Variants in ZNF714 observed in about 807,000 individuals in gnomAD.
ZNF714 encodes the protein zinc finger protein 714.
Under a neutral mutation model 46.2 loss-of-function variants are expected in ZNF714, and 32 were observed. That is an observed-to-expected ratio of 0.69 (90% CI 0.52 to 0.93). ZNF714 has a LOEUF of 0.93. Among genes scored for constraint, ZNF714 ranks in the 40% least tolerant of loss-of-function variants. The probability of loss-of-function intolerance (pLI) is 0.00; values close to 1 mark genes in which losing one functional copy is unlikely to be tolerated. For missense variants in ZNF714, 635 were observed against 646.3 expected (o/e 0.98, Z 0.19); for synonymous variants, 199 against 213.1 (o/e 0.93, Z 0.58).
rs1046628612 is a variant in ZNF714 at position 21,121,781 on chromosome 19, G to A, written c.*3449G>A. On this transcript the variant is annotated 3_prime_UTR_variant, in exon 5 of 5. Transcript: ENST00000456283. ...ATTACTGTACAATCCATGACTTACA[G>A]TTCTGAACCTTTTCATGCAAATTCT... 3.3e-5 allele frequency: 5 copies of A among 152,200 alleles called. No homozygotes were observed. The highest frequency in any genetic ancestry group is 7.4e-5 in the Non-Finnish European group (5 of 68,026). 9.4% of individuals were successfully genotyped at this position (152,200 alleles called of 1,614,324 possible). A position where few individuals can be genotyped will look rare whatever the true frequency, so the allele number is the denominator to read the frequency against.
rs34326769 is a variant in ZNF714 at position 21,123,151 on chromosome 19, C to CAAAAAAAAAAAAAAAAAAAAAAAAAAAA, written c.*4838_*4839insAAAAAAAAAAAAAAAAAAAAAAAAAAAA. 1.9e-5 allele frequency: 2 copies of CAAAAAAAAAAAAAAAAAAAAAAAAAAAA among 106,010 alleles called. 1 individual carries two copies. The highest frequency in any genetic ancestry group is 3.6e-5 in the Non-Finnish European group (2 of 55,122). The allele number at this position is 106,010 out of a possible 1,614,324, so 6.6% of individuals were successfully genotyped here. A position where few individuals can be genotyped will look rare whatever the true frequency, so the allele number is the denominator to read the frequency against. On this transcript the variant is annotated 3_prime_UTR_variant, in exon 5 of 5. Coordinates refer to ENST00000456283, the MANE Select transcript of ZNF714 (RefSeq NM_182515.4). The stretch of plus-strand genomic sequence containing the variant: ...CCTGGACAAGAGCAAAACTCTGTCT[C>CAAAAAAAAAAAAAAAAAAAAAAAAAAAA]AAAAAAAAAAAAAAAAAAAGATTAA...
In ZNF714 at chr19:21,101,266, A is replaced by G. The variant is rs180946291; in HGVS notation, c.142+2356A>G. On this transcript the variant is annotated intron_variant, in intron 4 of 4. Coordinates refer to ENST00000456283, the MANE Select transcript of ZNF714 (RefSeq NM_182515.4). ...TAAGCTTTTGTTATCTGGTTTCAGG[A>G]GGTAAAGATCTTTTTCTGTTGTGTC... Among the ~76,000 whole-genome samples the G allele has an allele frequency of 4.7e-4, 71 of 152,202 alleles. 1 individual carries two copies. The East Asian group carries it at 6.2e-3, about 13-fold the overall frequency.
At position 21,093,184 on chromosome 19, in the gene ZNF714, G is replaced by A. The variant is rs187615155; in HGVS notation, c.-84-5001G>A. Among the ~76,000 whole-genome samples, 250 of 148,134 alleles carry A rather than the reference G, an allele frequency of 1.7e-3. 2 individuals carry two copies. Among genetic ancestry groups the A allele is most frequent in the African/African-American group, 5.9e-3 (237 of 40,194 alleles). ...CTCCCAAAGTGCTGGGATTACAGGCGTGAGCCACCATACCTGGCCTTGCAA... is the reference window on the plus strand; with the variant it reads ...CTCCCAAAGTGCTGGGATTACAGGCATGAGCCACCATACCTGGCCTTGCAA... On this transcript the variant is annotated intron_variant, in intron 2 of 4. Coordinates refer to ENST00000456283, the MANE Select transcript of ZNF714 (RefSeq NM_182515.4).
At chr19:21,104,321 T>A (rs1969260698) in intron 4 of ZNF714, among the ~76,000 whole-genome samples, 1 of 152,230 alleles carries the variant, frequency 6.6e-6, no homozygotes, top group Non-Finnish European at 1.5e-5. Flanking sequence ...TTGGCTTTTG[T>A]GAATACTGGT....
Position 21,110,802 on chromosome 19 carries a change from T to C in ZNF714, c.143-6005T>C, listed in dbSNP as rs556750598. Among the ~76,000 whole-genome samples the C allele has an allele frequency of 2.0e-5, 3 of 152,324 alleles. No homozygotes were observed. The South Asian group carries it at 6.2e-4, about 32-fold the overall frequency. ...GGGGGTCCAGTTTCAGTTTTCTGCCTATGGCTAGCTAGTTCTCCCAGCACC... is the reference window on the plus strand; with the variant it reads ...GGGGGTCCAGTTTCAGTTTTCTGCCCATGGCTAGCTAGTTCTCCCAGCACC... On this transcript the variant is annotated intron_variant, in intron 4 of 4. Coordinates refer to ENST00000456283, the MANE Select transcript of ZNF714 (RefSeq NM_182515.4).
At position 21,124,414 on chromosome 19, in the gene ZNF714, A is replaced by G. The variant is rs1969760240; in HGVS notation, c.*6082A>G. 6.6e-6 allele frequency among the ~76,000 whole-genome samples: 1 copy of G among 152,190 alleles called. No homozygotes were observed. The highest frequency in any genetic ancestry group is 1.5e-5 in the Non-Finnish European group (1 of 68,038). Reference sequence around the variant, plus strand: ...AAAATTAAATGACAATAGTCCCCAAACTATGTATTTTCATACTATTTAGCC... The same window carrying G: ...AAAATTAAATGACAATAGTCCCCAAGCTATGTATTTTCATACTATTTAGCC... On this transcript the variant is annotated 3_prime_UTR_variant, in exon 5 of 5. Transcript: ENST00000456283.
Position 21,106,344 on chromosome 19 carries a change from C to T in ZNF714, c.142+7434C>T, listed in dbSNP as rs552818799. ...CAGCACTTTGGGAGGCCGAGGCGGG[C>T]GGATCACGAGGTCGGGAGTTCGAGA... On this transcript the variant is annotated intron_variant, in intron 4 of 4. Coordinates refer to ENST00000456283, the MANE Select transcript of ZNF714 (RefSeq NM_182515.4). Among the ~76,000 whole-genome samples, 58 of 151,782 alleles carry T rather than the reference C, an allele frequency of 3.8e-4. 1 individual carries two copies. The highest frequency in any genetic ancestry group is 2.1e-4 in the Non-Finnish European group (14 of 67,876).
intron 2 of ZNF714, among the ~76,000 whole-genome samples, chr19:21,096,677 G>T (rs78119361): frequency 1.3e-5 from 2 of 152,066 alleles, no homozygotes; most frequent in East Asian, 3.9e-4. Context: ...CATATTAAAA[G>T]TGTTCCTTTT....
intron 4 of ZNF714, among the ~76,000 whole-genome samples, chr19:21,109,230 T>C (rs909175845): frequency 1.3e-5 from 2 of 152,206 alleles, no homozygotes; most frequent in Non-Finnish European, 2.9e-5. Context: ...TAAATTTATT[T>C]ATTTTTGAGA....
In ZNF714 at chr19:21,122,948, A is replaced by G. The variant is rs1969730013; in HGVS notation, c.*4616A>G. 1 of 152,198 alleles carries G rather than the reference A, an allele frequency of 6.6e-6. No individual in the cohort carries two copies. The highest frequency in any genetic ancestry group is 1.5e-5 in the Non-Finnish European group (1 of 68,070). 9.4% of individuals were successfully genotyped at this position (152,198 alleles called of 1,614,324 possible). ...GGCAAGTGGATCACTTGAGCTCAGG[A>G]GTTCGAGACCAGCCTGACCAACATG... is the stretch of plus-strand genomic sequence containing the variant. On this transcript the variant is annotated 3_prime_UTR_variant, in exon 5 of 5. Transcript: ENST00000456283.
chr19:21,104,474 A>C (rs913970228), intron 4 of ZNF714, among the ~76,000 whole-genome samples: 2 of 152,148 alleles, frequency 1.3e-5, no homozygotes, highest in Non-Finnish European at 2.9e-5. Flanking sequence ...TAATGGTTGC[A>C]TCTTGTTTTC....
Position 21,116,861 on chromosome 19 carries a change from C to A in ZNF714, c.197C>A (p.Ser66Tyr), listed in dbSNP as rs761745687. Residue 66 changes from serine (S) to tyrosine (Y), a missense_variant, in exon 5 of 5, where the codon TCT (serine) becomes TAT (tyrosine). Ser to Tyr is a moderately radical substitution (Grantham distance 144). Coordinates refer to ENST00000456283, the MANE Select transcript of ZNF714 (RefSeq NM_182515.4). ...DLWPEQDIKD[S>Y]FQQVILRRHG... The stretch of plus-strand genomic sequence containing the variant: ...TGGCCAGAGCAAGACATAAAAGATT[C>A]TTTTCAACAAGTGATACTGAGAAGA... 8 of 1,612,518 alleles carry A rather than the reference C, an allele frequency of 5.0e-6. No homozygotes were observed. The South Asian group carries it at 7.7e-5, about 16-fold the overall frequency.
intron 4 of ZNF714, among the ~76,000 whole-genome samples, chr19:21,115,193 C>A (rs1458865993): frequency 1.3e-5 from 2 of 151,452 alleles, no homozygotes; most frequent in African/African-American, 4.8e-5. Flanking sequence ...ATTGATGTTG[C>A]TAATCATATA....
intron 4 of ZNF714, chr19:21,109,767 C>T (rs535977024): frequency 1.5e-5 from 2 of 130,566 alleles, no homozygotes; most frequent in Admixed American, 8.6e-5. Context: ...TGCAACAGGC[C>T]CCAGTGTGTG....
chr19:21,087,629 A>C (rs975084233), intron 2 of ZNF714, among the ~76,000 whole-genome samples: 1 of 152,202 alleles, frequency 6.6e-6, no homozygotes, highest in Non-Finnish European at 1.5e-5. Flanking sequence ...CAGTGCTTTA[A>C]GAGAAACCTG....
At position 21,092,477 on chromosome 19, in the gene ZNF714, A is replaced by G. The variant is rs146371227; in HGVS notation, c.-84-5708A>G. Among the ~76,000 whole-genome samples, 466 of 152,314 alleles carry G rather than the reference A, an allele frequency of 3.1e-3. 3 individuals are homozygous for G. The highest frequency in any genetic ancestry group is 0.011 in the African/African-American group (437 of 41,566). On this transcript the variant is annotated intron_variant, in intron 2 of 4. Coordinates refer to ENST00000456283, the MANE Select transcript of ZNF714 (RefSeq NM_182515.4). ...CCTGTTCCTAATCTCATTTAACTGCATGGGCACAGAAATAAATCAGAGTCC... is the reference window on the plus strand; with the variant it reads ...CCTGTTCCTAATCTCATTTAACTGCGTGGGCACAGAAATAAATCAGAGTCC...
rs1969710042 is a variant in ZNF714 at position 21,121,961 on chromosome 19, T to G, written c.*3629T>G. On this transcript the variant is annotated 3_prime_UTR_variant, in exon 5 of 5. Coordinates refer to ENST00000456283, the MANE Select transcript of ZNF714 (RefSeq NM_182515.4). The stretch of plus-strand genomic sequence containing the variant: ...TAGTGCACACAAAATAATTTTTAGA[T>G]GTAATTCCAAAAGTAGTGTATTAAG... 1 of 152,214 alleles carries G rather than the reference T, an allele frequency of 6.6e-6. No individual in the cohort carries two copies. Among genetic ancestry groups the G allele is most frequent in the African/African-American group, 2.4e-5 (1 of 41,456 alleles). 9.4% of individuals were successfully genotyped at this position (152,214 alleles called of 1,614,324 possible). A position where few individuals can be genotyped will look rare whatever the true frequency, so the allele number is the denominator to read the frequency against.
At chr19:21,092,567 C>T (rs1318486388) in intron 2 of ZNF714, among the ~76,000 whole-genome samples, 3 of 152,186 alleles carry the variant, frequency 2.0e-5, no homozygotes, top group South Asian at 2.1e-4. Context: ...TTCTTCCCCA[C>T]GCATGGATTT....
rs1969732920 is a variant in ZNF714, at chr19:21,123,072, T to G, written c.*4740T>G. The G allele has an allele frequency of 6.9e-6, 1 of 145,790 alleles. No individual in the cohort carries two copies. The highest frequency in any genetic ancestry group is 2.5e-5 in the African/African-American group (1 of 39,766). The allele number at this position is 145,790 out of a possible 1,614,324, so 9.0% of individuals were successfully genotyped here. On this transcript the variant is annotated 3_prime_UTR_variant, in exon 5 of 5. Transcript: ENST00000456283. ...GGGAGGCTGATGCAGGAGAATCGCT[T>G]GAACCCAGGAGGCAGAGGTTGCAGT... is the stretch of plus-strand genomic sequence containing the variant.
Sources: allele counts gnomAD v4.1 joint callset (sites outside exome capture counted in the v4.1 genomes callset), GRCh38; gene constraint gnomAD v4.1.1; transcripts MANE v1.5; gene names NCBI Gene and HGNC (gene_info 2026-07-23, HGNC 2026-07-21).